The following INTS4 variants were observed in gnomAD, a reference collection of about 807,000 sequenced individuals.
INTS4 encodes the protein MSTP093.
A neutral mutation model predicts 119.5 loss-of-function variants in INTS4; 70 were observed. The observed-to-expected ratio is 0.59, with a 90% CI of 0.48 to 0.71. INTS4 has a LOEUF of 0.71. Ranked by LOEUF, INTS4 falls within the 30% of genes least tolerant of loss-of-function variation. INTS4 has a pLI of 0.00. For missense variants in INTS4, 867 were observed against 1,173.2 expected, an observed-to-expected ratio of 0.74 and a Z score of 3.81; for synonymous variants, 316 against 419.6, an observed-to-expected ratio of 0.75 and a Z score of 3.02.
downstream of INTS4, among the ~76,000 whole-genome samples, chr11:77,878,105 G>C (rs1347982413): frequency 6.6e-6 from 1 of 152,148 alleles, no homozygotes; most frequent in Non-Finnish European, 1.5e-5. Flanking sequence ...GCTCACACTT[G>C]TAATCCCAGC....
At chr11:77,935,826 G>A (rs1240039686) in intron 10 of INTS4, among the ~76,000 whole-genome samples, 1 of 150,394 alleles carries the variant, frequency 6.6e-6, no homozygotes, top group Non-Finnish European at 1.5e-5. Flanking sequence ...AGCCCAGGAG[G>A]TCAAGGCTGC....
chr11:77,981,315 G>A, intron 3 of INTS4, 144 bp downstream of exon 3: 1 of 380,548 alleles, frequency 2.6e-6, no homozygotes, highest in Non-Finnish European at 4.7e-6. Context: ...CTACTCTAAT[G>A]TAAATATGTA....
rs149621926 is a variant in INTS4, at chr11:77,922,386, T to C, written c.1600A>G (p.Thr534Ala). The change falls in exon 13 of 23, where the codon ACA (threonine) becomes GCA (alanine). Residue 534 changes from threonine (T) to alanine (A), a missense_variant. This residue lies in a region of INTS4 where 51 missense variants were observed against 125.5 expected (regional missense o/e 0.41). Transcript: ENST00000534064. The part of the protein sequence containing the change: ...ELLSTHPFFD[T>A]AEPDMDDPAY... ...GGATCATCCATGTCTGGTTCAGCTG[T>C]GTCAAAAAATGGGTGGGTGCTCAGA... 1,843 of 1,474,054 alleles carry C rather than the reference T, an allele frequency of 1.3e-3. 1 individual carries two copies. Among genetic ancestry groups the C allele is most frequent in the Non-Finnish European group, 1.6e-3 (1,743 of 1,111,456 alleles). The allele number at this position is 1,474,054 out of a possible 1,614,324, so 91.3% of individuals were successfully genotyped here.
At chr11:77,936,253 C>T (rs893867136) in intron 10 of INTS4, among the ~76,000 whole-genome samples, 5 of 151,982 alleles carry the variant, frequency 3.3e-5, no homozygotes, top group East Asian at 1.9e-4. Flanking sequence ...AACCAACCTA[C>T]GAATCACAGA....
chr11:77,927,883 C>G (rs540485555), intron 11 of INTS4, among the ~76,000 whole-genome samples: 39 of 152,274 alleles, frequency 2.6e-4, no homozygotes, highest in African/African-American at 9.4e-4. Context: ...CATATTCTGT[C>G]TTATCTCTGC....
intron 8 of INTS4, among the ~76,000 whole-genome samples, chr11:77,943,684 A>G (rs1420981886): frequency 6.6e-6 from 1 of 152,218 alleles, no homozygotes; most frequent in Non-Finnish European, 1.5e-5. Flanking sequence ...GCACTACTTA[A>G]CAACCTAAAT....
At chr11:77,932,280 T>C (rs1467905730) in intron 10 of INTS4, among the ~76,000 whole-genome samples, 1 of 151,820 alleles carries the variant, frequency 6.6e-6, no homozygotes, top group Middle Eastern at 3.2e-3. Context: ...CATGACCCCA[T>C]CAAAAAGTGG....
At chr11:77,929,830 G>A (rs547439206) in intron 10 of INTS4, among the ~76,000 whole-genome samples, 3 of 152,252 alleles carry the variant, frequency 2.0e-5, no homozygotes, top group Non-Finnish European at 4.4e-5. Flanking sequence ...TTACAGAGTT[G>A]TTAGGACTAA....
At position 77,886,251 on chromosome 11, in the gene INTS4, T is replaced by C. The variant is rs565005122; in HGVS notation, c.2593-2299A>G. The stretch of plus-strand genomic sequence containing the variant: ...CCAGCATTCTCAGCAAAACTGTCCT[T>C]GGTGAAAGGCCTTCACTCCTCTGTG... On this transcript the variant is annotated intron_variant, in intron 21 of 22. Transcript: ENST00000534064. 2.0e-5 allele frequency among the ~76,000 whole-genome samples: 3 copies of C among 152,154 alleles called. No individual in the cohort carries two copies. In the East Asian group the frequency reaches 5.8e-4, roughly 29 times the overall value.
intron 21 of INTS4, chr11:77,884,788 T>C: frequency 2.5e-6 from 1 of 408,022 alleles, no homozygotes. Context: ...AGGGTCTTAC[T>C]CTGCCACCCA....
intron 4 of INTS4, among the ~76,000 whole-genome samples, chr11:77,963,215 G>T (rs1363122464): frequency 1.3e-5 from 2 of 151,880 alleles, no homozygotes; most frequent in East Asian, 3.8e-4. Context: ...CTGAATCTTA[G>T]CCCAAAAGAG....
chr11:77,876,119 G>A (rs780239871), downstream of INTS4, among the ~76,000 whole-genome samples: 5 of 152,038 alleles, frequency 3.3e-5, no homozygotes, highest in Non-Finnish European at 5.9e-5. Context: ...AAACATGAAG[G>A]AAGAGGAATC....
intron 21 of INTS4, among the ~76,000 whole-genome samples, chr11:77,888,290 C>A (rs1195384646): frequency 1.3e-5 from 2 of 152,328 alleles, no homozygotes; most frequent in African/African-American, 2.4e-5. Flanking sequence ...ACCATCTGAT[C>A]TTTGACAAAC....
At chr11:77,891,098 AT>A (rs1459413253) in intron 21 of INTS4, among the ~76,000 whole-genome samples, 1 of 152,042 alleles carries the variant, frequency 6.6e-6, no homozygotes, top group African/African-American at 2.4e-5. Context: ...AACTCCTCCT[AT>A]TTGTCAGTTG....
intron 4 of INTS4, among the ~76,000 whole-genome samples, chr11:77,972,869 G>T (rs1247059720): frequency 6.8e-6 from 1 of 146,546 alleles, no homozygotes; most frequent in Non-Finnish European, 1.5e-5. Context: ...GTCTCATTCT[G>T]CTGCCCAGGC....
At chr11:77,878,128 C>T (rs953578889), downstream of INTS4, among the ~76,000 whole-genome samples, 9 of 152,000 alleles carry the variant, frequency 5.9e-5, no homozygotes, top group East Asian at 3.9e-4. Context: ...TTTGGGAGGC[C>T]AAGGTGGGCA....
intron 13 of INTS4, 128 bp from the exon 14 acceptor site, chr11:77,921,601 T>C (rs1953361744): frequency 3.1e-6 from 2 of 652,920 alleles, no homozygotes; most frequent in Non-Finnish European, 2.8e-6. Context: ...GAAATGCAAA[T>C]ACAAACAACA....
intron 18 of INTS4, among the ~76,000 whole-genome samples, chr11:77,894,556 T>C (rs1286651860): frequency 6.6e-6 from 1 of 152,172 alleles, no homozygotes; most frequent in African/African-American, 2.4e-5. Flanking sequence ...GCAGTGCCCA[T>C]TAAGCTCAAA....
intron 10 of INTS4, among the ~76,000 whole-genome samples, chr11:77,937,316 T>A (rs1259451749): frequency 6.6e-6 from 1 of 152,190 alleles, no homozygotes; most frequent in East Asian, 1.9e-4. Flanking sequence ...AGGCATATCA[T>A]AATCAAATTG....
Sources: gnomAD v4.1 joint callset for allele counts (sites outside exome capture counted in the v4.1 genomes callset) on GRCh38, gnomAD v4.1.1 for gene constraint, gnomAD v4.1.1 regional missense constraint, MANE v1.5 for transcripts, NCBI Gene and HGNC (gene_info 2026-07-23, HGNC 2026-07-21) for gene names.